TBC1D22B: variants seen among roughly 807,000 people sequenced by gnomAD.
The protein encoded by TBC1D22B is chromosome 6 open reading frame 197.
Under a neutral mutation model 69.1 loss-of-function variants are expected in TBC1D22B, and 32 were observed. That is an observed-to-expected ratio of 0.46 (90% confidence interval 0.35 to 0.62). TBC1D22B has a LOEUF of 0.62. Among genes scored for constraint, TBC1D22B ranks in the 20% least tolerant of loss-of-function variants. TBC1D22B has a pLI of 0.00. For missense variants in TBC1D22B, 462 were observed against 630.9 expected, an observed-to-expected ratio of 0.73 and a Z score of 2.87; for synonymous variants, 206 against 229.8, an observed-to-expected ratio of 0.90 and a Z score of 0.94.
At chr6:37,284,597 C>T in intron 6 of TBC1D22B, 133 bp downstream of exon 6, 1 of 1,020,896 alleles carries the variant, frequency 9.8e-7, no homozygotes. Context: ...AATTTATCCT[C>T]AAAACTGTTT....
intron 1 of TBC1D22B, chr6:37,258,212 G>A: frequency 1.8e-6 from 1 of 549,060 alleles, no homozygotes; most frequent in Non-Finnish European, 3.2e-6. Context: ...GGTGACCTCA[G>A]CGGGAAGGTG....
intron 12 of TBC1D22B, among the ~76,000 whole-genome samples, chr6:37,329,954 A>G (rs1768533445): frequency 6.6e-6 from 1 of 151,778 alleles, no homozygotes; most frequent in African/African-American, 2.4e-5. Flanking sequence ...TTCTAGTACT[A>G]AAGGAAGAAA....
In TBC1D22B at chr6:37,279,442, T is replaced by C; in HGVS notation, c.252T>C (p.Ser84=). The C allele has an allele frequency of 6.2e-7, 1 of 1,614,186 alleles. No homozygotes were observed. The highest frequency in any genetic ancestry group is 8.5e-7 in the Non-Finnish European group (1 of 1,180,030). The change falls in exon 3 of 13, where the codon TCT becomes TCC. Residue 84 remains serine, a synonymous_variant. Transcript: ENST00000373491. ...DDEEEDFSSP[S]FQTLNSKVAL... ...AGGAAGAGGACTTTTCCTCACCTTCTTTCCAAACTCTGAACTCAAAAGTTG... is the reference window on the plus strand; with the variant it reads ...AGGAAGAGGACTTTTCCTCACCTTCCTTCCAAACTCTGAACTCAAAAGTTG...
intron 8 of TBC1D22B, among the ~76,000 whole-genome samples, chr6:37,303,975 C>T (rs1340360874): frequency 6.6e-6 from 1 of 152,170 alleles, no homozygotes; most frequent in Non-Finnish European, 1.5e-5. Flanking sequence ...TCTTCATATC[C>T]CCAGTACCTT....
chr6:37,282,096 A>G (rs559965909), intron 3 of TBC1D22B, 89 bp from the exon 4 acceptor site: 1 of 1,466,484 alleles, frequency 6.8e-7, no homozygotes, highest in Admixed American at 1.7e-5. Flanking sequence ...CTTGGGGAGG[A>G]AACACAATGC....
chr6:37,261,182 A>G (rs1309600296), intron 1 of TBC1D22B, among the ~76,000 whole-genome samples: 1 of 152,166 alleles, frequency 6.6e-6, no homozygotes, highest in Non-Finnish European at 1.5e-5. Flanking sequence ...CTGTAATCCC[A>G]GAATTTTGGA....
intron 8 of TBC1D22B, among the ~76,000 whole-genome samples, chr6:37,311,868 C>T (rs530103242): frequency 1.5e-4 from 23 of 152,294 alleles, no homozygotes; most frequent in African/African-American, 5.5e-4. Context: ...GACAGGCATA[C>T]ACAGGGGCCT....
intron 2 of TBC1D22B, among the ~76,000 whole-genome samples, chr6:37,269,858 A>G (rs908414594): frequency 1.3e-5 from 2 of 152,142 alleles, no homozygotes; most frequent in Admixed American, 6.5e-5. Flanking sequence ...GTTTTCCTAT[A>G]TTGGGAACTG....
chr6:37,311,562 A>T (rs1195903086), intron 8 of TBC1D22B, among the ~76,000 whole-genome samples: 1 of 152,044 alleles, frequency 6.6e-6, no homozygotes, highest in Non-Finnish European at 1.5e-5. Context: ...AGTCCCAGCT[A>T]CTTGGGAGGC....
At chr6:37,327,210 G>C (rs1768436103) in intron 12 of TBC1D22B, among the ~76,000 whole-genome samples, 1 of 94,976 alleles carries the variant, frequency 1.1e-5, no homozygotes, top group Admixed American at 1.1e-4. Context: ...CGGGCGCGGT[G>C]GCTCGCGCCT....
intron 8 of TBC1D22B, among the ~76,000 whole-genome samples, chr6:37,294,025 A>G (rs56331451): frequency 0.032 from 4,854 of 152,298 alleles, 243 homozygotes; most frequent in African/African-American, 0.11. Context: ...GAAAGAAGCC[A>G]TCTCCATAAC....
chr6:37,273,228 C>T (rs1562042952), intron 2 of TBC1D22B, among the ~76,000 whole-genome samples: 1 of 148,004 alleles, frequency 6.8e-6, no homozygotes, highest in Non-Finnish European at 1.5e-5. Context: ...AGACAACAGC[C>T]TAGACCTACA....
intron 12 of TBC1D22B, among the ~76,000 whole-genome samples, chr6:37,326,321 A>G (rs1301776862): frequency 7.0e-6 from 1 of 143,598 alleles, no homozygotes; most frequent in Non-Finnish European, 1.5e-5. Context: ...TGGAGGTTGC[A>G]GTGAGCCAAG....
intron 2 of TBC1D22B, among the ~76,000 whole-genome samples, chr6:37,272,309 C>T (rs894510169): frequency 1.3e-5 from 2 of 151,738 alleles, no homozygotes; most frequent in Admixed American, 6.6e-5. Context: ...AAGTGATCTG[C>T]CTGCCTCGGC....
intron 7 of TBC1D22B, among the ~76,000 whole-genome samples, chr6:37,287,773 A>G (rs1359566725): frequency 2.0e-5 from 3 of 152,216 alleles, no homozygotes; most frequent in African/African-American, 7.2e-5. Flanking sequence ...CTGTTCATCT[A>G]TCAGTGGACA....
chr6:37,313,147 C>T, intron 9 of TBC1D22B, 123 bp downstream of exon 9: 1 of 737,422 alleles, frequency 1.4e-6, no homozygotes, highest in Non-Finnish European at 2.4e-6. Flanking sequence ...ATGGCTCCTC[C>T]TCCTTTTCAT....
intron 8 of TBC1D22B, chr6:37,295,635 C>A: frequency 2.3e-6 from 1 of 434,458 alleles, no homozygotes. Context: ...TTATCAATGG[C>A]ACTGTCATCA....
chr6:37,288,539 C>T (rs1246149592), intron 7 of TBC1D22B, among the ~76,000 whole-genome samples: 1 of 152,102 alleles, frequency 6.6e-6, no homozygotes, highest in Non-Finnish European at 1.5e-5. Context: ...GAGTTTGAGA[C>T]CAGTCTGGGT....
Position 37,331,185 on chromosome 6 carries a change from C to G in TBC1D22B, c.*13C>G. On this transcript the variant is annotated 3_prime_UTR_variant, in exon 13 of 13. Coordinates refer to ENST00000373491, the MANE Select transcript of TBC1D22B (RefSeq NM_017772.4). ...CTACCGCCGATAGGTGCTGTCTCCT[C>G]CGGGGACCCAGACTGCCTTCATCTC... The G allele has an allele frequency of 6.2e-7, 1 of 1,613,646 alleles. No individual in the cohort carries two copies. Among genetic ancestry groups the G allele is most frequent in the African/African-American group, 1.3e-5 (1 of 75,028 alleles).
Sources: gnomAD v4.1 joint callset for allele counts (sites outside exome capture counted in the v4.1 genomes callset) on GRCh38, gnomAD v4.1.1 for gene constraint, MANE v1.5 for transcripts, NCBI Gene and HGNC (gene_info 2026-07-23, HGNC 2026-07-21) for gene names.